Variants in GXYLT2 observed in about 807,000 individuals in gnomAD.
GXYLT2 encodes glycosyltransferase 8 domain containing 4.
A neutral mutation model predicts 45.8 loss-of-function variants in GXYLT2; 53 were observed. The observed-to-expected ratio is 1.16, with a 90% confidence interval of 0.93 to 1.46. GXYLT2 has a LOEUF of 1.46. Among genes scored for constraint, GXYLT2 ranks in the 40% most tolerant of loss-of-function variants. The pLI, the probability that GXYLT2 is intolerant of heterozygous loss-of-function variation, is 0.00. For synonymous variants in GXYLT2, 219 were observed against 214.2 expected (o/e 1.02, Z -0.19); for missense variants, 551 against 544.4 (o/e 1.01, Z -0.12).
At chr3:72,903,092 GTGT>G (rs1382623865) in intron 1 of GXYLT2, among the ~76,000 whole-genome samples, 1 of 152,166 alleles carries the variant, frequency 6.6e-6, no homozygotes, top group Non-Finnish European at 1.5e-5. Flanking sequence ...ATTGTTGTTG[GTGT>G]TGTTGAAAAA....
chr3:72,971,806 G>A (rs1006468439), intron 6 of GXYLT2, among the ~76,000 whole-genome samples: 7 of 151,268 alleles, frequency 4.6e-5, no homozygotes, highest in Non-Finnish European at 8.8e-5. Context: ...AAAATTAGCC[G>A]GGCGTGGTGG....
At chr3:72,943,966 G>C (rs1434254495) in intron 3 of GXYLT2, among the ~76,000 whole-genome samples, 1 of 152,138 alleles carries the variant, frequency 6.6e-6, no homozygotes, top group Non-Finnish European at 1.5e-5. Context: ...TTACAGGCGT[G>C]AGCCACCATG....
chr3:72,946,050 G>A (rs970539637), intron 3 of GXYLT2, among the ~76,000 whole-genome samples: 1 of 152,072 alleles, frequency 6.6e-6, no homozygotes, highest in Admixed American at 6.6e-5. Flanking sequence ...GCCAAGATGG[G>A]AGGGTTGCTT....
chr3:72,949,953 C>T (rs1419747513), intron 3 of GXYLT2, among the ~76,000 whole-genome samples: 2 of 152,040 alleles, frequency 1.3e-5, no homozygotes, highest in African/African-American at 4.8e-5. Flanking sequence ...GTGCCAGGGG[C>T]TTCACACACA....
At chr3:72,943,892 C>T (rs774436465) in intron 3 of GXYLT2, among the ~76,000 whole-genome samples, 4 of 151,680 alleles carry the variant, frequency 2.6e-5, no homozygotes, top group Non-Finnish European at 4.4e-5. Flanking sequence ...CTATGTTGCC[C>T]AGGCTAGTCT....
chr3:72,888,193 GC>G lies in GXYLT2; in HGVS notation c.-39del, dbSNP rs1362421509. On this transcript the variant is annotated 5_prime_UTR_variant, in exon 1 of 7. Transcript: ENST00000389617. Reference sequence around the variant, plus strand: ...TGCCGCCGCCGCGATGCGCAGAGGGGCCGAGCCGCCTGGGGGCCGCCGCCGC... The same window carrying G: ...TGCCGCCGCCGCGATGCGCAGAGGGGCGAGCCGCCTGGGGGCCGCCGCCGC... 12 of 984,270 alleles carry G rather than the reference GC, an allele frequency of 1.2e-5. No homozygotes were observed. The Admixed American group carries it at 7.6e-4, about 62-fold the overall frequency. 61.0% of individuals were successfully genotyped at this position (984,270 alleles called of 1,614,324 possible). A position where few individuals can be genotyped will look rare whatever the true frequency, so the allele number is the denominator to read the frequency against.
chr3:72,907,763 G>A (rs1709538629), intron 1 of GXYLT2, among the ~76,000 whole-genome samples: 1 of 152,044 alleles, frequency 6.6e-6, no homozygotes, highest in African/African-American at 2.4e-5. Context: ...CACCAGTATT[G>A]GCGAGACGGT....
chr3:72,932,834 A>G (rs954032851), intron 3 of GXYLT2, among the ~76,000 whole-genome samples: 1 of 152,190 alleles, frequency 6.6e-6, no homozygotes, highest in Admixed American at 6.5e-5. Flanking sequence ...GAGACAAATT[A>G]ATTTGAGATA....
intron 3 of GXYLT2, among the ~76,000 whole-genome samples, chr3:72,937,408 A>G (rs764537473): frequency 6.6e-6 from 1 of 152,208 alleles, no homozygotes; most frequent in Non-Finnish European, 1.5e-5. Context: ...AACACTGAAA[A>G]AAGGGAAATG....
intron 5 of GXYLT2, among the ~76,000 whole-genome samples, chr3:72,961,510 C>A (rs1710768238): frequency 2.0e-5 from 3 of 152,098 alleles, no homozygotes; most frequent in Admixed American, 1.3e-4. Flanking sequence ...TTGCTTCTCT[C>A]CGTGCCAGTC....
In GXYLT2 at chr3:72,929,623, A is replaced by G. The variant is rs1011780369; in HGVS notation, c.600+7288A>G. 13 of 933,444 alleles carry G rather than the reference A, an allele frequency of 1.4e-5. No homozygotes were observed. In the African/African-American group the frequency reaches 1.8e-4, roughly 13 times the overall value. 57.8% of individuals were successfully genotyped at this position (933,444 alleles called of 1,614,324 possible). A position where few individuals can be genotyped will look rare whatever the true frequency, so the allele number is the denominator to read the frequency against. ...GCCTCAGGCTAATTTCCCCATAGCC[A>G]TGGGGTGACTTCCCTGGTCACCAAG... On this transcript the variant is annotated intron_variant, in intron 3 of 6. Coordinates refer to ENST00000389617, the MANE Select transcript of GXYLT2 (RefSeq NM_001080393.2).
chr3:72,910,470 T>C (rs2107083319), intron 2 of GXYLT2, among the ~76,000 whole-genome samples: 1 of 152,248 alleles, frequency 6.6e-6, no homozygotes, highest in South Asian at 2.1e-4. Context: ...ATCTGCAACT[T>C]GAGGCTAGCG....
chr3:72,892,265 A>G (rs1709197335), intron 1 of GXYLT2, among the ~76,000 whole-genome samples: 1 of 152,180 alleles, frequency 6.6e-6, no homozygotes, highest in African/African-American at 2.4e-5. Flanking sequence ...AACTCTTGCA[A>G]AATCACTGTT....
At chr3:72,945,408 G>A (rs1049904839) in intron 3 of GXYLT2, among the ~76,000 whole-genome samples, 17 of 152,318 alleles carry the variant, frequency 1.1e-4, no homozygotes, top group African/African-American at 4.1e-4. Flanking sequence ...TCAGGCATGG[G>A]CCAGGCACAC....
chr3:72,923,591 C>T (rs1709869132), intron 3 of GXYLT2, among the ~76,000 whole-genome samples: 1 of 152,044 alleles, frequency 6.6e-6, no homozygotes, highest in African/African-American at 2.4e-5. Context: ...TGTTGAGTGC[C>T]CACCAGGGTG....
intron 3 of GXYLT2, among the ~76,000 whole-genome samples, chr3:72,936,291 C>CA (rs753881580): frequency 8.9e-5 from 10 of 112,420 alleles, no homozygotes; most frequent in African/African-American, 1.5e-4. Flanking sequence ...GACTCCATCT[C>CA]AAAAAAAAGA....
intron 1 of GXYLT2, among the ~76,000 whole-genome samples, chr3:72,899,231 G>T (rs562043478): frequency 6.6e-6 from 1 of 152,068 alleles, no homozygotes. Context: ...CCAACTTTAG[G>T]CTCTGAACAC....
At chr3:72,950,966 T>C (rs1710513136) in intron 3 of GXYLT2, among the ~76,000 whole-genome samples, 1 of 152,144 alleles carries the variant, frequency 6.6e-6, no homozygotes, top group Non-Finnish European at 1.5e-5. Flanking sequence ...TACAGAGTAC[T>C]ATTGTGTGCT....
chr3:72,968,981 G>C (rs989902989), intron 6 of GXYLT2, among the ~76,000 whole-genome samples: 2 of 152,046 alleles, frequency 1.3e-5, no homozygotes, highest in Admixed American at 6.5e-5. Flanking sequence ...TGAGGCAGGA[G>C]AATGGCATGA....
Sources: allele counts gnomAD v4.1 joint callset (sites outside exome capture counted in the v4.1 genomes callset), GRCh38; gene constraint gnomAD v4.1.1; transcripts MANE v1.5; gene names NCBI Gene and HGNC (gene_info 2026-07-23, HGNC 2026-07-21).